Variants in FNDC3B observed in about 807,000 individuals in gnomAD.
FNDC3B encodes fibronectin type III domain containing 3B.
In FNDC3B, 12 loss-of-function variants were observed where a neutral mutation model predicts 151.5. That is an observed-to-expected ratio of 0.08 (90% CI 0.05 to 0.13). FNDC3B has a LOEUF of 0.13. Ranked by LOEUF, FNDC3B falls within the 10% of genes least tolerant of loss-of-function variation. The pLI is 1.00. For missense variants in FNDC3B, 1,214 were observed against 1,505.3 expected (o/e 0.81, Z 3.20); for synonymous variants, 528 against 549.0 (o/e 0.96, Z 0.54).
At chr3:172,339,846 T>C (rs1291901252) in intron 16 of FNDC3B, among the ~76,000 whole-genome samples, 1 of 152,208 alleles carries the variant, frequency 6.6e-6, no homozygotes, top group Non-Finnish European at 1.5e-5. Context: ...CAGGTTTTTT[T>C]GACCTGTAAT....
intron 25 of FNDC3B, among the ~76,000 whole-genome samples, chr3:172,396,538 A>AC (rs989045555): frequency 6.6e-6 from 1 of 152,106 alleles, no homozygotes; most frequent in Non-Finnish European, 1.5e-5. Flanking sequence ...GGGGTCCCCA[A>AC]CCCCCAGGCC....
Position 172,340,355 on chromosome 3 carries a change from G to C in FNDC3B, c.1853-758G>C, listed in dbSNP as rs921374900. Among the ~76,000 whole-genome samples the C allele has an allele frequency of 4.0e-4, 59 of 148,632 alleles. 1 individual carries two copies. Among genetic ancestry groups the C allele is most frequent in the Admixed American group, 1.2e-3 (18 of 14,692 alleles). ...GGCTGGTGTGCAACGGCGCAATCTC[G>C]GCTCACTGCAACCTCTGCCTCCTGG... is the stretch of plus-strand genomic sequence containing the variant. On this transcript the variant is annotated intron_variant, in intron 16 of 25. Coordinates refer to ENST00000415807, the MANE Select transcript of FNDC3B (RefSeq NM_022763.4).
At chr3:172,177,076 C>T (rs1289114477) in intron 3 of FNDC3B, among the ~76,000 whole-genome samples, 2 of 152,110 alleles carry the variant, frequency 1.3e-5, no homozygotes, top group Non-Finnish European at 2.9e-5. Flanking sequence ...GGAACTTGAT[C>T]AGATATTGGA....
At chr3:172,181,405 AAAAAAAAAAC>A (rs1367001432) in intron 3 of FNDC3B, among the ~76,000 whole-genome samples, 49 of 146,092 alleles carry the variant, frequency 3.4e-4, no homozygotes, top group Non-Finnish European at 4.9e-4. Context: ...CAAAAAAAAA[AAAAAAAAAAC>A]AAAAAAAAAC....
intron 4 of FNDC3B, among the ~76,000 whole-genome samples, chr3:172,239,086 T>C (rs1472887980): frequency 6.6e-6 from 1 of 152,182 alleles, no homozygotes; most frequent in East Asian, 1.9e-4. Context: ...TGCTTTCTTA[T>C]TCATTTACTC....
intron 1 of FNDC3B, among the ~76,000 whole-genome samples, chr3:172,112,023 A>G (rs897022434): frequency 1.3e-5 from 2 of 152,236 alleles, no homozygotes; most frequent in African/African-American, 4.8e-5. Context: ...ATAGGAATTA[A>G]CTGTTATTTT....
chr3:172,361,539 C>T (rs1734365045), intron 22 of FNDC3B, among the ~76,000 whole-genome samples: 1 of 152,196 alleles, frequency 6.6e-6, no homozygotes, highest in Admixed American at 6.5e-5. Flanking sequence ...TCCTCATTTC[C>T]ATCTGAGACC....
intron 1 of FNDC3B, among the ~76,000 whole-genome samples, chr3:172,053,839 A>T (rs1716791081): frequency 6.6e-6 from 1 of 151,744 alleles, no homozygotes; most frequent in African/African-American, 2.4e-5. Context: ...CAAGAGGGAG[A>T]TTTTCCTAGA....
At chr3:172,236,342 T>C (rs1206262322) in intron 4 of FNDC3B, among the ~76,000 whole-genome samples, 1 of 152,208 alleles carries the variant, frequency 6.6e-6, no homozygotes, top group African/African-American at 2.4e-5. Context: ...TTGTCACCCG[T>C]TTAGCCCACC....
chr3:172,238,942 G>A (rs897450655), intron 4 of FNDC3B, among the ~76,000 whole-genome samples: 10 of 152,198 alleles, frequency 6.6e-5, no homozygotes, highest in Non-Finnish European at 1.0e-4. Context: ...CAGATTTTCT[G>A]AGATTTTAGA....
At chr3:172,300,946 C>T (rs1730883755) in intron 9 of FNDC3B, among the ~76,000 whole-genome samples, 1 of 152,166 alleles carries the variant, frequency 6.6e-6, no homozygotes, top group South Asian at 2.1e-4. Context: ...AGAGAAGAAT[C>T]TTAACACTTG....
chr3:172,325,508 TTTTAAC>T (rs1732299017), intron 11 of FNDC3B, among the ~76,000 whole-genome samples: 1 of 152,242 alleles, frequency 6.6e-6, no homozygotes, highest in African/African-American at 2.4e-5. Flanking sequence ...CTCTTTTCTT[TTTTAAC>T]TCCATTTCTG....
At chr3:172,218,132 A>G (rs1461054868) in intron 3 of FNDC3B, among the ~76,000 whole-genome samples, 1 of 99,496 alleles carries the variant, frequency 1.0e-5, no homozygotes, top group African/African-American at 3.6e-5. Context: ...ATCGACTTTC[A>G]GGAAAAAAAA....
At chr3:172,252,243 C>G (rs373820897) in intron 6 of FNDC3B, among the ~76,000 whole-genome samples, 23 of 152,184 alleles carry the variant, frequency 1.5e-4, no homozygotes, top group African/African-American at 5.3e-4. Context: ...TAAGGAAAAA[C>G]AGTGGCTATT....
At chr3:172,254,200 A>G (rs1728221916) in intron 6 of FNDC3B, among the ~76,000 whole-genome samples, 1 of 152,246 alleles carries the variant, frequency 6.6e-6, no homozygotes, top group Non-Finnish European at 1.5e-5. Context: ...TCATGTTAAT[A>G]TAAATACATG....
At chr3:172,355,446 G>T (rs562956031) in intron 22 of FNDC3B, among the ~76,000 whole-genome samples, 18 of 152,230 alleles carry the variant, frequency 1.2e-4, no homozygotes, top group African/African-American at 3.9e-4. Flanking sequence ...AACAGCATTA[G>T]CATCACCTGG....
intron 11 of FNDC3B, among the ~76,000 whole-genome samples, chr3:172,324,174 T>C (rs1165196874): frequency 6.6e-6 from 1 of 152,038 alleles, no homozygotes; most frequent in Non-Finnish European, 1.5e-5. Flanking sequence ...TGTTTGATGA[T>C]TGGAAAGGAG....
chr3:172,326,873 T>C (rs1015928267), intron 11 of FNDC3B, among the ~76,000 whole-genome samples: 2 of 151,500 alleles, frequency 1.3e-5, no homozygotes, highest in Admixed American at 6.6e-5. Flanking sequence ...AATAAAGAAA[T>C]AGGAAAAATG....
At chr3:172,158,226 C>T (rs562288422) in intron 3 of FNDC3B, among the ~76,000 whole-genome samples, 1 of 152,228 alleles carries the variant, frequency 6.6e-6, no homozygotes, top group Non-Finnish European at 1.5e-5. Flanking sequence ...CTGCTATAGC[C>T]TATTATTATA....
Sources: gnomAD v4.1 joint callset for allele counts (sites outside exome capture counted in the v4.1 genomes callset) on GRCh38, gnomAD v4.1.1 for gene constraint, MANE v1.5 for transcripts, NCBI Gene and HGNC (gene_info 2026-07-23, HGNC 2026-07-21) for gene names.